Variants in AP3D1 observed in about 807,000 individuals in gnomAD.
The protein encoded by AP3D1 is AP-3 complex subunit delta-1.
Under a neutral mutation model 147.6 loss-of-function variants are expected in AP3D1, and 51 were observed. The observed-to-expected ratio is 0.35, with a 90% CI of 0.28 to 0.44. AP3D1 has a LOEUF of 0.44. Among genes scored for constraint, AP3D1 ranks in the 20% least tolerant of loss-of-function variants. The pLI is 1.00. For synonymous variants in AP3D1, 760 were observed against 663.0 expected (o/e 1.15, Z -2.25); for missense variants, 1,421 against 1,624.2 (o/e 0.87, Z 2.15).
At chr19:2,117,919 G>T (rs1184133068) in intron 15 of AP3D1, among the ~76,000 whole-genome samples, 1 of 152,244 alleles carries the variant, frequency 6.6e-6, no homozygotes, top group African/African-American at 2.4e-5. Flanking sequence ...TTGCACTTTG[G>T]GAGGCTGTGG....
At chr19:2,128,229 G>GC (rs1472662213) in intron 8 of AP3D1, among the ~76,000 whole-genome samples, 1 of 152,114 alleles carries the variant, frequency 6.6e-6, no homozygotes, top group Non-Finnish European at 1.5e-5. Flanking sequence ...GCCTGAAAAG[G>GC]CTCCTAACAT....
At position 2,129,391 on chromosome 19, in the gene AP3D1, G is replaced by A. The variant is rs1406257741; in HGVS notation, c.659C>T (p.Ser220Phe). Residue 220 changes from serine (S) to phenylalanine (F), a missense_variant, in exon 7 of 32, where the codon TCC becomes TTC. Transcript: ENST00000643116. The part of the protein sequence containing the change: ...LARRNPKNYL[S>F]LAPLFFKLMT... ...CAGCTTGAAAAAGAGCGGGGCCAGG[G>A]ACAGGTAGTTCTTAGGGTTGCGTCT... The A allele has an allele frequency of 1.2e-6, 2 of 1,614,132 alleles. No individual in the cohort carries two copies. Among genetic ancestry groups the A allele is most frequent in the Non-Finnish European group, 8.5e-7 (1 of 1,180,010 alleles).
intron 1 of AP3D1, among the ~76,000 whole-genome samples, chr19:2,156,588 C>A (rs1046269183): frequency 6.6e-6 from 1 of 151,622 alleles, no homozygotes; most frequent in Non-Finnish European, 1.5e-5. Context: ...CGGTGGCTCA[C>A]GCCTGTAATC....
At chr19:2,163,756 A>G (rs1442041754) in intron 1 of AP3D1, among the ~76,000 whole-genome samples, 2 of 151,162 alleles carry the variant, frequency 1.3e-5, no homozygotes, top group African/African-American at 4.9e-5. Context: ...GCAACCGAGG[A>G]CGTGCGTGCG....
At chr19:2,161,855 G>A (rs1477066397) in intron 1 of AP3D1, among the ~76,000 whole-genome samples, 1 of 151,776 alleles carries the variant, frequency 6.6e-6, no homozygotes, top group Non-Finnish European at 1.5e-5. Flanking sequence ...AGGCTGAGGC[G>A]GGAGAATCGC....
chr19:2,130,496 C>G lies in AP3D1; in HGVS notation c.504G>C (p.Leu168=). The stretch of plus-strand genomic sequence containing the variant: ...ACTTCAGGAACACCTTGTACATGAT[C>G]AGCACAGCCTTCTTCCTGATGTAGG... ...TKPYIRKKAV[L]IMYKVFLKYP... The change falls in exon 6 of 32, where the codon CTG becomes CTC. Residue 168 remains leucine (L), a synonymous_variant. Transcript: ENST00000643116. 6.2e-7 allele frequency: 1 copy of G among 1,614,124 alleles called. No homozygotes were observed. The highest frequency in any genetic ancestry group is 8.5e-7 in the Non-Finnish European group (1 of 1,180,008).
intron 29 of AP3D1, chr19:2,109,491 G>A: frequency 2.0e-6 from 1 of 505,506 alleles, no homozygotes; most frequent in Non-Finnish European, 3.5e-6. Flanking sequence ...GAAGGGACTG[G>A]GGGGATAGGC....
rs79786890 is a variant in AP3D1, at chr19:2,116,809, G to A, written c.1860-63C>T. The A allele has an allele frequency of 7.3e-4, 1,100 of 1,512,416 alleles. 17 individuals carry two copies. In the East Asian group the frequency reaches 0.023, roughly 32 times the overall value. 93.7% of individuals were successfully genotyped at this position (1,512,416 alleles called of 1,614,324 possible). A position where few individuals can be genotyped will look rare whatever the true frequency, so the allele number is the denominator to read the frequency against. On this transcript the variant is annotated intron_variant, in intron 16 of 31. Transcript: ENST00000643116. Reference sequence around the variant, plus strand: ...ACCGAGCACGCGCCTGCAGGCGTCCGCCCTGAGCAGGCTCACCACGTGCCT... The same window carrying A: ...ACCGAGCACGCGCCTGCAGGCGTCCACCCTGAGCAGGCTCACCACGTGCCT...
intron 31 of AP3D1, among the ~76,000 whole-genome samples, chr19:2,104,203 C>G: frequency 6.7e-6 from 1 of 149,762 alleles, no homozygotes. Flanking sequence ...AACACCGAGA[C>G]ACCAACACTG....
intron 11 of AP3D1, 152 bp from the exon 12 acceptor site, chr19:2,122,031 C>T (rs1166646840): frequency 6.6e-6 from 6 of 915,860 alleles, no homozygotes; most frequent in Non-Finnish European, 9.5e-6. Flanking sequence ...CCAGCTGGAG[C>T]TCACCACGAG....
chr19:2,116,167 A>G (rs1454251653), intron 18 of AP3D1, 40 bp downstream of exon 18: 1 of 1,599,432 alleles, frequency 6.3e-7, no homozygotes, highest in Admixed American at 1.7e-5. Flanking sequence ...TGGTGAGGGT[A>G]GAGGGTGCTG....
At chr19:2,150,544 A>G (rs1282939521) in intron 1 of AP3D1, among the ~76,000 whole-genome samples, 1 of 152,000 alleles carries the variant, frequency 6.6e-6, no homozygotes, top group African/African-American at 2.4e-5. Context: ...GCAAGCTGCT[A>G]CCTCACTGGG....
chr19:2,137,202 C>G (rs1400744655), intron 3 of AP3D1, 111 bp from the exon 4 acceptor site: 1 of 935,820 alleles, frequency 1.1e-6, no homozygotes. Context: ...AAGCAACACC[C>G]TGCAGCCTGG....
intron 18 of AP3D1, 75 bp downstream of exon 18, chr19:2,116,132 T>A (rs1599452700): frequency 6.8e-7 from 1 of 1,474,864 alleles, no homozygotes; most frequent in East Asian, 2.3e-5. Flanking sequence ...AACCCGAAAC[T>A]CAGATGGATG....
chr19:2,151,182 G>C (rs1396612559), intron 1 of AP3D1, 57 bp downstream of exon 1: 1 of 1,537,252 alleles, frequency 6.5e-7, no homozygotes, highest in Non-Finnish European at 8.9e-7. Context: ...GAGCAGGGCT[G>C]GGCCCTGGGC....
intron 9 of AP3D1, among the ~76,000 whole-genome samples, chr19:2,125,142 A>G (rs1490792906): frequency 6.6e-6 from 1 of 152,204 alleles, no homozygotes; most frequent in Non-Finnish European, 1.5e-5. Flanking sequence ...CTGAAATAAT[A>G]ATTTTTTTAA....
chr19:2,149,671 A>G (rs2019454031), intron 1 of AP3D1, among the ~76,000 whole-genome samples: 1 of 152,112 alleles, frequency 6.6e-6, no homozygotes, highest in African/African-American at 2.4e-5. Context: ...CCCAGTGAAG[A>G]CAGGCACATC....
intron 1 of AP3D1, among the ~76,000 whole-genome samples, chr19:2,158,331 C>T (rs910820204): frequency 6.6e-6 from 1 of 151,314 alleles, no homozygotes; most frequent in South Asian, 2.1e-4. Flanking sequence ...GCTGGGATTA[C>T]AGGCATGAGC....
At chr19:2,126,652 C>CA (rs58063456) in intron 9 of AP3D1, among the ~76,000 whole-genome samples, 3,949 of 59,018 alleles carry the variant, frequency 0.067, 108 homozygotes, top group East Asian at 0.17. Context: ...GACTCTGCCT[C>CA]AAAAAAAAAA....
Sources: gnomAD v4.1 joint callset for allele counts (sites outside exome capture counted in the v4.1 genomes callset) on GRCh38, gnomAD v4.1.1 for gene constraint, MANE v1.5 for transcripts, NCBI Gene and HGNC (gene_info 2026-07-23, HGNC 2026-07-21) for gene names.